SPATS2L: variants seen among roughly 807,000 people sequenced by gnomAD.
SPATS2L encodes SPATS2-like protein.
Under a neutral mutation model 59.6 loss-of-function variants are expected in SPATS2L, and 30 were observed. That is an observed-to-expected ratio of 0.50 (90% CI 0.38 to 0.68). The LOEUF is 0.68. Ranked by LOEUF, SPATS2L falls within the 30% of genes least tolerant of loss-of-function variation. SPATS2L has a pLI of 0.00. For synonymous variants in SPATS2L, 252 were observed against 263.5 expected (o/e 0.96, Z 0.42); for missense variants, 615 against 700.0 (o/e 0.88, Z 1.37).
chr2:200,420,936 G>A (rs918986266), intron 6 of SPATS2L, among the ~76,000 whole-genome samples: 15 of 152,116 alleles, frequency 9.9e-5, no homozygotes, highest in Middle Eastern at 3.4e-3. Flanking sequence ...AAAAATGCCC[G>A]CTCAGTTTTT....
At chr2:200,447,624 A>G (rs1454340848) in intron 8 of SPATS2L, among the ~76,000 whole-genome samples, 2 of 152,216 alleles carry the variant, frequency 1.3e-5, no homozygotes, top group African/African-American at 4.8e-5. Flanking sequence ...GAATGAGTCA[A>G]GATTCCATTG....
intron 2 of SPATS2L, among the ~76,000 whole-genome samples, chr2:200,338,323 C>T (rs1473489439): frequency 6.6e-6 from 1 of 152,176 alleles, no homozygotes; most frequent in South Asian, 2.1e-4. Flanking sequence ...CCGTGCCCAG[C>T]CCCAGATTAA....
At chr2:200,343,145 A>G (rs1225386244) in intron 2 of SPATS2L, among the ~76,000 whole-genome samples, 1 of 152,208 alleles carries the variant, frequency 6.6e-6, no homozygotes, top group Non-Finnish European at 1.5e-5. Flanking sequence ...TAGCTGATGC[A>G]TGTAATCAGA....
At chr2:200,469,485 G>A (rs748769417) in intron 10 of SPATS2L, among the ~76,000 whole-genome samples, 91 of 152,322 alleles carry the variant, frequency 6.0e-4, no homozygotes, top group Admixed American at 7.8e-4. Flanking sequence ...TAAAGGCTTT[G>A]TGGACGTCCC....
intron 6 of SPATS2L, among the ~76,000 whole-genome samples, chr2:200,424,353 G>A (rs1009645390): frequency 4.6e-5 from 7 of 151,946 alleles, no homozygotes; most frequent in Admixed American, 1.3e-4. Flanking sequence ...GCTTGGTACG[G>A]TGGCTCATAC....
chr2:200,467,431 G>A (rs772262549), intron 10 of SPATS2L, 32 bp downstream of exon 10: 2 of 1,448,458 alleles, frequency 1.4e-6, no homozygotes, highest in South Asian at 2.3e-5. Flanking sequence ...CCTGAACCCT[G>A]AGCCAGAGAG....
intron 8 of SPATS2L, among the ~76,000 whole-genome samples, chr2:200,448,135 G>A (rs1178771026): frequency 2.0e-5 from 3 of 152,092 alleles, no homozygotes; most frequent in African/African-American, 7.2e-5. Flanking sequence ...AACAGAGAAA[G>A]ACCCTGTCTC....
intron 6 of SPATS2L, among the ~76,000 whole-genome samples, chr2:200,436,430 A>G (rs1479089304): frequency 6.6e-6 from 1 of 152,192 alleles, no homozygotes; most frequent in Non-Finnish European, 1.5e-5. Flanking sequence ...AATATGTACA[A>G]GTGGTCTTGA....
chr2:200,308,827 A>G lies in SPATS2L; in HGVS notation c.-73+1905A>G, dbSNP rs1202631931. 3 of 494,384 alleles carry G rather than the reference A, an allele frequency of 6.1e-6. No homozygotes were observed. The East Asian group carries it at 9.4e-5, about 16-fold the overall frequency. The allele number at this position is 494,384 out of a possible 1,614,324, so 30.6% of individuals were successfully genotyped here. A position where few individuals can be genotyped will look rare whatever the true frequency, so the allele number is the denominator to read the frequency against. On this transcript the variant is annotated intron_variant, in intron 1 of 12. Transcript: ENST00000409140. The stretch of plus-strand genomic sequence containing the variant: ...GATTTTCTAAGAATCAACTTAGTTT[A>G]ATGTGCTCATTTAGACAGGCAAAAT...
intron 2 of SPATS2L, among the ~76,000 whole-genome samples, chr2:200,334,148 A>G (rs1300378894): frequency 6.6e-6 from 1 of 152,112 alleles, no homozygotes; most frequent in Non-Finnish European, 1.5e-5. Flanking sequence ...ATTTCTCCAC[A>G]TCCTCTCCAG....
chr2:200,407,697 A>T (rs1343238696), intron 3 of SPATS2L, among the ~76,000 whole-genome samples: 1 of 152,186 alleles, frequency 6.6e-6, no homozygotes, highest in African/African-American at 2.4e-5. Context: ...TCTCATAAAT[A>T]TTCCTCCAGT....
In SPATS2L at chr2:200,473,072, G is replaced by T; in HGVS notation, c.1281+20G>T. On this transcript the variant is annotated intron_variant, in intron 12 of 12. Transcript: ENST00000409140. ...AAGCAGGTAAGCCGACACTGGTGCA[G>T]GGTGCCAGAGGAAAAAAAAAAAAAA... 1 of 1,549,276 alleles carries T rather than the reference G, an allele frequency of 6.5e-7. No individual in the cohort carries two copies. The highest frequency in any genetic ancestry group is 2.3e-5 in the Admixed American group (1 of 44,436).
At chr2:200,435,006 T>C (rs2084184219) in intron 6 of SPATS2L, among the ~76,000 whole-genome samples, 1 of 152,146 alleles carries the variant, frequency 6.6e-6, no homozygotes, top group Non-Finnish European at 1.5e-5. Flanking sequence ...GTCACGCATA[T>C]AGTCAGTTAA....
intron 2 of SPATS2L, among the ~76,000 whole-genome samples, chr2:200,339,740 A>AG (rs1559051012): frequency 1.3e-5 from 2 of 152,354 alleles, no homozygotes; most frequent in African/African-American, 4.8e-5. Flanking sequence ...AAGCAAAAAA[A>AG]CATCCATGTG....
chr2:200,446,984 G>A (rs771219263), intron 8 of SPATS2L, among the ~76,000 whole-genome samples: 52 of 152,200 alleles, frequency 3.4e-4, no homozygotes, highest in African/African-American at 1.1e-3. Flanking sequence ...TTGCTTTATC[G>A]TCTGTTTTTC....
intron 6 of SPATS2L, among the ~76,000 whole-genome samples, chr2:200,438,429 T>G (rs1285906678): frequency 6.6e-6 from 1 of 152,158 alleles, no homozygotes; most frequent in Non-Finnish European, 1.5e-5. Context: ...TTTAATTCAT[T>G]CCAGCAATAA....
In SPATS2L at chr2:200,459,907, G is replaced by A. The variant is rs1375091841; in HGVS notation, c.847+80G>A. The A allele has an allele frequency of 1.2e-5, 13 of 1,078,440 alleles. No homozygotes were observed. In the Middle Eastern group the frequency reaches 8.0e-4, roughly 67 times the overall value. The allele number at this position is 1,078,440 out of a possible 1,614,324, so 66.8% of individuals were successfully genotyped here. A position where few individuals can be genotyped will look rare whatever the true frequency, so the allele number is the denominator to read the frequency against. On this transcript the variant is annotated intron_variant, in intron 9 of 12. Coordinates refer to ENST00000409140, the MANE Select transcript of SPATS2L (RefSeq NM_001100423.2). ...CATAGGTCAGACTGACAATGATACC[G>A]GCTTCTGAACAGGGTCCTAAAATTT... is the stretch of plus-strand genomic sequence containing the variant.
At chr2:200,401,703 A>C (rs1289193815) in intron 3 of SPATS2L, among the ~76,000 whole-genome samples, 1 of 151,498 alleles carries the variant, frequency 6.6e-6, no homozygotes, top group African/African-American at 2.4e-5. Flanking sequence ...GTCCCTGGGA[A>C]ATTTTTTTTT....
At chr2:200,325,356 G>GAT (rs1490309936) in intron 1 of SPATS2L, among the ~76,000 whole-genome samples, 1 of 152,062 alleles carries the variant, frequency 6.6e-6, no homozygotes, top group African/African-American at 2.4e-5. Flanking sequence ...CTGAATCCAA[G>GAT]ATTCTTGGAC....
Sources: allele counts gnomAD v4.1 joint callset (sites outside exome capture counted in the v4.1 genomes callset), GRCh38; gene constraint gnomAD v4.1.1; transcripts MANE v1.5; gene names NCBI Gene and HGNC (gene_info 2026-07-23, HGNC 2026-07-21).